The following EXOC4 variants were observed in gnomAD, a reference collection of about 807,000 sequenced individuals.
The protein encoded by EXOC4 is SEC8-like 1.
Under a neutral mutation model 107.2 loss-of-function variants are expected in EXOC4, and 71 were observed. That is an observed-to-expected ratio of 0.66 (90% confidence interval 0.55 to 0.81). The LOEUF is 0.81. Among genes scored for constraint, EXOC4 ranks in the 30% least tolerant of loss-of-function variants. EXOC4 has a pLI of 0.00. For missense variants in EXOC4, 1,108 were observed against 1,189.6 expected (o/e 0.93, Z 1.01); for synonymous variants, 456 against 441.2 (o/e 1.03, Z -0.42).
chr7:134,073,456 G>A, the EXOC4 span, among the ~76,000 whole-genome samples: 6 of 151,614 alleles, frequency 4.0e-5, no homozygotes, highest in East Asian at 1.9e-4. Flanking sequence ...TTTGCATCTC[G>A]TTGCCTGCCA....
At chr7:133,682,097 C>T (rs1377547147) in intron 10 of EXOC4, among the ~76,000 whole-genome samples, 2 of 151,960 alleles carry the variant, frequency 1.3e-5, no homozygotes. Context: ...GGGATCTTGC[C>T]CTGTTGCCCA....
At position 133,475,446 on chromosome 7, in the gene EXOC4, C is replaced by T. The variant is rs1798989119; in HGVS notation, c.1301C>T (p.Pro434Leu). The T allele has an allele frequency of 1.9e-6, 3 of 1,613,756 alleles. No homozygotes were observed. The highest frequency in any genetic ancestry group is 2.2e-5 in the South Asian group (2 of 91,056). ...EFAAFFAKKK[P>L]QRPKNSLFKF... is the part of the protein sequence containing the mutation. Reference sequence around the variant, plus strand: ...GCAGCCTTTTTTGCCAAGAAGAAACCTCAAAGGCCAAAAAATTCTCTTTTC... The same window carrying T: ...GCAGCCTTTTTTGCCAAGAAGAAACTTCAAAGGCCAAAAAATTCTCTTTTC... The change falls in exon 8 of 18, where the codon CCT becomes CTT. Residue 434 changes from proline to leucine, a missense_variant. Physicochemically the swap from Pro to Leu is moderately conservative, Grantham distance 98 (BLOSUM62 -3). Transcript: ENST00000253861.
intron 5 of EXOC4, among the ~76,000 whole-genome samples, chr7:133,342,430 G>A (rs932598173): frequency 6.6e-6 from 1 of 152,064 alleles, no homozygotes; most frequent in African/African-American, 2.4e-5. Context: ...GTTACCTGAT[G>A]CTTTTGCCTC....
intron 9 of EXOC4, among the ~76,000 whole-genome samples, chr7:133,519,737 C>G (rs568494814): frequency 3.3e-5 from 5 of 152,096 alleles, no homozygotes; most frequent in Non-Finnish European, 7.4e-5. Context: ...GAGCATTTGT[C>G]GGAAGTCAAG....
intron 7 of EXOC4, among the ~76,000 whole-genome samples, chr7:133,454,989 G>C (rs1368212547): frequency 1.3e-5 from 2 of 152,126 alleles, no homozygotes; most frequent in Non-Finnish European, 2.9e-5. Context: ...GGGAGGCTGA[G>C]GCGGGAGGAT....
intron 11 of EXOC4, among the ~76,000 whole-genome samples, chr7:133,849,877 T>A (rs1443582769): frequency 6.6e-6 from 1 of 152,212 alleles, no homozygotes; most frequent in Non-Finnish European, 1.5e-5. Flanking sequence ...AAAAGTCACA[T>A]TTCATTTTCT....
At chr7:133,441,830 T>G (rs1030690852) in intron 7 of EXOC4, among the ~76,000 whole-genome samples, 2 of 152,130 alleles carry the variant, frequency 1.3e-5, no homozygotes, top group South Asian at 4.1e-4. Context: ...TGTTTGTGTG[T>G]GGGGGGTGTG....
chr7:133,261,747 A>G (rs1349997433), intron 1 of EXOC4, among the ~76,000 whole-genome samples: 1 of 152,158 alleles, frequency 6.6e-6, no homozygotes, highest in African/African-American at 2.4e-5. Flanking sequence ...TTGTCTCACT[A>G]CTGTGACAAA....
intron 9 of EXOC4, among the ~76,000 whole-genome samples, chr7:133,606,412 A>G (rs1180212235): frequency 6.6e-6 from 1 of 152,040 alleles, no homozygotes; most frequent in Non-Finnish European, 1.5e-5. Flanking sequence ...GAATATCTTC[A>G]CTGAATACTC....
chr7:133,272,586 A>G (rs1400738549), intron 1 of EXOC4, among the ~76,000 whole-genome samples: 2 of 151,880 alleles, frequency 1.3e-5, no homozygotes, highest in Non-Finnish European at 2.9e-5. Context: ...CCTTTTCTCT[A>G]ATTAAAAAAA....
rs928319201 is a variant in EXOC4 at position 133,953,690 on chromosome 7, A to G, written c.2206+15621A>G. Among the ~76,000 whole-genome samples the G allele has an allele frequency of 7.9e-5, 12 of 152,242 alleles. No homozygotes were observed. In the East Asian group the frequency reaches 2.3e-3, roughly 29 times the overall value. On this transcript the variant is annotated intron_variant, in intron 14 of 17. Transcript: ENST00000253861. ...AGAAAAAAATGTAAAAGCCCTAGAT[A>G]GTACCCTCCTTTCACTCCTAGAGAA...
chr7:133,478,095 T>C (rs1243865674), intron 8 of EXOC4, among the ~76,000 whole-genome samples: 1 of 151,558 alleles, frequency 6.6e-6, no homozygotes, highest in Admixed American at 6.6e-5. Context: ...TGACACTGTC[T>C]CAGATGCGCC....
the EXOC4 span, among the ~76,000 whole-genome samples, chr7:134,075,825 C>T: frequency 6.6e-6 from 1 of 152,204 alleles, no homozygotes; most frequent in Admixed American, 6.5e-5. Context: ...CTCAGTGCCC[C>T]CTCTGTCACA....
intron 7 of EXOC4, among the ~76,000 whole-genome samples, chr7:133,423,682 T>C (rs1797655118): frequency 6.6e-6 from 1 of 152,220 alleles, no homozygotes; most frequent in Non-Finnish European, 1.5e-5. Context: ...TGGCATCCGC[T>C]CTGGGCCCTC....
intron 10 of EXOC4, among the ~76,000 whole-genome samples, chr7:133,747,297 A>C (rs1333531838): frequency 6.6e-6 from 1 of 152,174 alleles, no homozygotes. Flanking sequence ...AAAGTATTGC[A>C]GCGAACACAC....
intron 10 of EXOC4, among the ~76,000 whole-genome samples, chr7:133,778,266 T>G (rs1449403366): frequency 1.3e-5 from 2 of 152,172 alleles, no homozygotes; most frequent in Non-Finnish European, 2.9e-5. Flanking sequence ...CCTTATTAAC[T>G]TTGAACAGGA....
chr7:133,844,489 A>G (rs1247224287), intron 11 of EXOC4, among the ~76,000 whole-genome samples: 2 of 142,780 alleles, frequency 1.4e-5, no homozygotes, highest in East Asian at 4.1e-4. Context: ...TCCCAGGTTC[A>G]AGGGATTCTC....
At chr7:133,475,531 CT>C in intron 8 of EXOC4, 58 bp downstream of exon 8, 1 of 1,475,262 alleles carries the variant, frequency 6.8e-7, no homozygotes, top group Non-Finnish European at 9.4e-7. Flanking sequence ...AGTAAGATGA[CT>C]TCCTACTTTA....
chr7:133,626,588 T>C (rs1272151674), intron 9 of EXOC4, among the ~76,000 whole-genome samples: 2 of 152,146 alleles, frequency 1.3e-5, no homozygotes, highest in Non-Finnish European at 2.9e-5. Flanking sequence ...TTTTTCATAT[T>C]TCTGCCCGAA....
Sources: allele counts gnomAD v4.1 joint callset (sites outside exome capture counted in the v4.1 genomes callset), GRCh38; gene constraint gnomAD v4.1.1; transcripts MANE v1.5; gene names NCBI Gene and HGNC (gene_info 2026-07-23, HGNC 2026-07-21).